Variants in MAGI1 observed in about 807,000 individuals in gnomAD.
MAGI1 encodes the protein membrane associated guanylate kinase, WW and PDZ domain containing 1, also known as membrane-associated guanylate kinase, WW and PDZ domain-containing protein 1.
Under a neutral mutation model 139.9 loss-of-function variants are expected in MAGI1, and 58 were observed. That is an observed-to-expected ratio of 0.41 (90% CI 0.34 to 0.52). The LOEUF (loss-of-function observed/expected upper bound fraction) is 0.52, where lower values mean the gene tolerates loss of function less well. Among genes scored for constraint, MAGI1 ranks in the 20% least tolerant of loss-of-function variants. The pLI is 0.12. For synonymous variants in MAGI1, 812 were observed against 737.9 expected (o/e 1.10, Z -1.63); for missense variants, 1,874 against 1,901.6 (o/e 0.99, Z 0.27).
intron 2 of MAGI1, among the ~76,000 whole-genome samples, chr3:65,553,658 A>G (rs568012999): frequency 5.9e-5 from 9 of 152,322 alleles, no homozygotes; most frequent in African/African-American, 2.2e-4. Context: ...TGAATAAATA[A>G]GAGTCCAAAA....
chr3:65,709,927 T>A (rs1028940790), intron 1 of MAGI1, among the ~76,000 whole-genome samples: 3 of 152,280 alleles, frequency 2.0e-5, no homozygotes, highest in Admixed American at 2.0e-4. Flanking sequence ...CTGGTGTGAA[T>A]TAAGTTATGA....
chr3:65,480,025 G>C (rs1296000613), intron 3 of MAGI1, among the ~76,000 whole-genome samples: 1 of 152,122 alleles, frequency 6.6e-6, no homozygotes, highest in Admixed American at 6.5e-5. Flanking sequence ...ACTAATGTTT[G>C]TAATTCTATG....
At chr3:65,589,695 A>C (rs1444480923) in intron 2 of MAGI1, among the ~76,000 whole-genome samples, 1 of 152,052 alleles carries the variant, frequency 6.6e-6, no homozygotes, top group Non-Finnish European at 1.5e-5. Flanking sequence ...ATGTGGCATA[A>C]AAGCAGCCAT....
At chr3:65,860,119 C>T (rs992952301) in intron 1 of MAGI1, among the ~76,000 whole-genome samples, 89 of 152,108 alleles carry the variant, frequency 5.9e-4, no homozygotes, top group African/African-American at 2.0e-3. Context: ...TGGTGTCGAA[C>T]TCCCCACCTC....
chr3:65,791,116 T>A (rs1234896301), intron 1 of MAGI1, among the ~76,000 whole-genome samples: 1 of 152,172 alleles, frequency 6.6e-6, no homozygotes, highest in Non-Finnish European at 1.5e-5. Flanking sequence ...CAAATCAACA[T>A]GCTTTATACG....
intron 1 of MAGI1, among the ~76,000 whole-genome samples, chr3:65,843,642 C>G (rs886311415): frequency 3.9e-5 from 6 of 152,094 alleles, no homozygotes; most frequent in African/African-American, 1.4e-4. Context: ...TCTAGAGGAC[C>G]CCTTCTTCAT....
At chr3:65,633,025 T>C (rs1347300285) in intron 1 of MAGI1, among the ~76,000 whole-genome samples, 2 of 152,204 alleles carry the variant, frequency 1.3e-5, no homozygotes, top group African/African-American at 4.8e-5. Context: ...CAGGACTTGA[T>C]AGAATTAGAA....
At chr3:65,852,978 A>G (rs1353143970) in intron 1 of MAGI1, among the ~76,000 whole-genome samples, 2 of 107,500 alleles carry the variant, frequency 1.9e-5, no homozygotes, top group African/African-American at 1.1e-4. Context: ...TACTAAAAAT[A>G]CAAAAAAAAA....
chr3:65,955,104 G>C (rs2064052304), intron 1 of MAGI1, among the ~76,000 whole-genome samples: 1 of 152,182 alleles, frequency 6.6e-6, no homozygotes, highest in African/African-American at 2.4e-5. Flanking sequence ...CCGAAAGAGA[G>C]AGACAGAGAC....
At chr3:65,615,836 T>C (rs995582265) in intron 2 of MAGI1, among the ~76,000 whole-genome samples, 2 of 152,182 alleles carry the variant, frequency 1.3e-5, no homozygotes, top group African/African-American at 4.8e-5. Context: ...GAAACATAAA[T>C]CATAGCTCAC....
intron 1 of MAGI1, among the ~76,000 whole-genome samples, chr3:65,755,948 T>C (rs1221919058): frequency 6.6e-6 from 1 of 152,200 alleles, no homozygotes; most frequent in South Asian, 2.1e-4. Context: ...TCACTTACAT[T>C]TCAAATTCAT....
rs557246446 is a variant in MAGI1 at position 65,468,051 on chromosome 3, A to G, written c.959+2232T>C. On this transcript the variant is annotated intron_variant, in intron 5 of 22. Coordinates refer to ENST00000402939, the MANE Select transcript of MAGI1 (RefSeq NM_001033057.2). ...CTTACAACAGTCTGACAAGGTAGGT[A>G]CAATTCATAATATTCAAGTCCTCTT... 9.2e-5 allele frequency among the ~76,000 whole-genome samples: 14 copies of G among 152,326 alleles called. No homozygotes were observed. The South Asian group carries it at 2.1e-3, about 23-fold the overall frequency.
intron 1 of MAGI1, among the ~76,000 whole-genome samples, chr3:65,680,050 T>C (rs1167490595): frequency 6.6e-6 from 1 of 152,200 alleles, no homozygotes; most frequent in East Asian, 1.9e-4. Flanking sequence ...CTCTCTTTGA[T>C]CCCAAAGCTT....
At chr3:65,813,110 G>A (rs772246404) in intron 1 of MAGI1, among the ~76,000 whole-genome samples, 7 of 151,946 alleles carry the variant, frequency 4.6e-5, no homozygotes, top group African/African-American at 7.3e-5. Context: ...TCAAGGAAAC[G>A]AAACCATCTT....
intron 2 of MAGI1, among the ~76,000 whole-genome samples, chr3:65,611,472 T>C (rs1322680713): frequency 6.9e-6 from 1 of 144,604 alleles, no homozygotes; most frequent in Admixed American, 7.0e-5. Flanking sequence ...GTATATATAC[T>C]ATACATACAC....
intron 2 of MAGI1, among the ~76,000 whole-genome samples, chr3:65,540,498 A>G (rs2079159623): frequency 6.6e-6 from 1 of 152,188 alleles, no homozygotes; most frequent in African/African-American, 2.4e-5. Flanking sequence ...GGTAGAATGA[A>G]TATACATTTT....
chr3:65,800,160 G>T (rs566198577), intron 1 of MAGI1, among the ~76,000 whole-genome samples: 1 of 152,268 alleles, frequency 6.6e-6, no homozygotes, highest in Non-Finnish European at 1.5e-5. Context: ...TGGCGAACAG[G>T]TGACTTAACA....
intron 4 of MAGI1, among the ~76,000 whole-genome samples, chr3:65,471,568 C>G (rs976373564): frequency 1.3e-5 from 2 of 152,256 alleles, no homozygotes; most frequent in Non-Finnish European, 1.5e-5. Flanking sequence ...CTTGAGGAGG[C>G]TGCCTGTAGG....
chr3:65,499,439 G>A (rs2076999475), intron 2 of MAGI1, among the ~76,000 whole-genome samples: 1 of 152,126 alleles, frequency 6.6e-6, no homozygotes, highest in Non-Finnish European at 1.5e-5. Context: ...CACGAGGTCA[G>A]GAGATCGAGA....
Sources: allele counts gnomAD v4.1 joint callset (sites outside exome capture counted in the v4.1 genomes callset), GRCh38; gene constraint gnomAD v4.1.1; transcripts MANE v1.5; gene names NCBI Gene and HGNC (gene_info 2026-07-23, HGNC 2026-07-21).